Variants in KIRREL3 observed in about 807,000 individuals in gnomAD.
The protein encoded by KIRREL3 is kin of IRRE-like protein 3.
KIRREL3 carries 36 observed loss-of-function variants against 89.7 expected under a neutral mutation model. The observed-to-expected ratio is 0.40, with a 90% CI of 0.31 to 0.53. KIRREL3 has a LOEUF of 0.53. Among genes scored for constraint, KIRREL3 ranks in the 20% least tolerant of loss-of-function variants. KIRREL3 has a pLI of 0.49. For missense variants in KIRREL3, 864 were observed against 1,056.6 expected (o/e 0.82, Z 2.53); for synonymous variants, 445 against 441.4 (o/e 1.01, Z -0.10).
chr11:126,923,178 C>CTTA lies in KIRREL3; in HGVS notation c.55+77276_55+77277insTAA, dbSNP rs1565423024. Among the ~76,000 whole-genome samples the CTTA allele has an allele frequency of 9.4e-5, 2 of 21,388 alleles. 1 individual carries two copies. The highest frequency in any genetic ancestry group is 4.4e-3 in the South Asian group (2 of 454). 14.0% of individuals were successfully genotyped at this position (21,388 alleles called of 152,430 possible). A position where few individuals can be genotyped will look rare whatever the true frequency, so the allele number is the denominator to read the frequency against. On this transcript the variant is annotated intron_variant, in intron 1 of 16. Transcript: ENST00000525144. ...TTCTTCTTCTTCTTCTTCTTCTTCT[C>CTTA]TTCTTCTTCTCTTCTTCTTCTTCTT...
At chr11:126,524,262 G>A (rs1312541580) in intron 3 of KIRREL3, among the ~76,000 whole-genome samples, 1 of 152,208 alleles carries the variant, frequency 6.6e-6, no homozygotes, top group African/African-American at 2.4e-5. Context: ...GATAATCTAT[G>A]TAAAGTGCCT....
chr11:126,718,788 G>A (rs1948062321), intron 1 of KIRREL3, among the ~76,000 whole-genome samples: 1 of 152,150 alleles, frequency 6.6e-6, no homozygotes, highest in South Asian at 2.1e-4. Flanking sequence ...TGGGCAGAGC[G>A]GCTAGGGATT....
At position 126,672,243 on chromosome 11, in the gene KIRREL3, G is replaced by A. The variant is rs532433886; in HGVS notation, c.56-109331C>T. Among the ~76,000 whole-genome samples the A allele has an allele frequency of 2.0e-5, 3 of 152,292 alleles. No homozygotes were observed. The South Asian group carries it at 6.2e-4, about 32-fold the overall frequency. On this transcript the variant is annotated intron_variant, in intron 1 of 16. Transcript: ENST00000525144. ...AAAGTTCAGATTATTGGCTCAGTTG[G>A]ACTTGATTATATGAGACTAGTGTGT...
At chr11:126,762,669 C>T (rs910042565) in intron 1 of KIRREL3, among the ~76,000 whole-genome samples, 6 of 152,156 alleles carry the variant, frequency 3.9e-5, no homozygotes, top group Admixed American at 6.5e-5. Context: ...TTCTGTGTAC[C>T]TCCTGATGCT....
intron 1 of KIRREL3, among the ~76,000 whole-genome samples, chr11:126,863,960 G>A (rs1031621362): frequency 6.6e-6 from 1 of 152,182 alleles, no homozygotes; most frequent in Admixed American, 6.5e-5. Context: ...CTGTTACCTG[G>A]CTACACCATG....
At chr11:127,000,855 A>T (rs1950299836), upstream of KIRREL3, 2 of 416,044 alleles carry the variant, frequency 4.8e-6, no homozygotes, top group Non-Finnish European at 8.4e-6. The surrounding 1 kb of genome is among the most constrained non-coding windows in gnomAD (Gnocchi z 7.1). Context: ...TGACAGAAGG[A>T]CTCCTTTCAC....
Position 126,575,352 on chromosome 11 carries a change from C to T in KIRREL3, c.56-12440G>A, listed in dbSNP as rs542067029. Among the ~76,000 whole-genome samples the T allele has an allele frequency of 3.3e-5, 5 of 152,090 alleles. No homozygotes were observed. The highest frequency in any genetic ancestry group is 7.4e-5 in the Non-Finnish European group (5 of 68,020). On this transcript the variant is annotated intron_variant, in intron 1 of 16. Transcript: ENST00000525144. This position sits in a 1 kb window ranked among gnomAD's most constrained non-coding sequence, Gnocchi z 7.0. The stretch of plus-strand genomic sequence containing the variant: ...TGTGGGTGTCACAACCACCTCTTAG[C>T]TCTTGATCAGAGATATCCACCTTCA...
In KIRREL3 at chr11:126,578,008, C is replaced by T. The variant is rs1941349903; in HGVS notation, c.56-15096G>A. 6.6e-6 allele frequency among the ~76,000 whole-genome samples: 1 copy of T among 152,150 alleles called. No homozygotes were observed. The highest frequency in any genetic ancestry group is 1.5e-5 in the Non-Finnish European group (1 of 68,028). Reference sequence around the variant, plus strand: ...CGTTCTAAAGACAGGGAGCTCATTACTTTGGAAGCTGTGGTTTTCATTTTT... The same window carrying T: ...CGTTCTAAAGACAGGGAGCTCATTATTTTGGAAGCTGTGGTTTTCATTTTT... On this transcript the variant is annotated intron_variant, in intron 1 of 16. Transcript: ENST00000525144. The surrounding 1 kb of genome is among the most constrained non-coding windows in gnomAD (Gnocchi z 4.9).
In KIRREL3 at chr11:126,802,654, CT is replaced by C. The variant is rs1183113569; in HGVS notation, c.55+197800del. ...CGGGGGCTGGCTCCCGCCTGGCACC[CT>C]GAGCTGCTGGGACAGGCTCTGGGCA... On this transcript the variant is annotated intron_variant, in intron 1 of 16. Coordinates refer to ENST00000525144, the MANE Select transcript of KIRREL3 (RefSeq NM_032531.4). The surrounding 1 kb of genome is among the most constrained non-coding windows in gnomAD (Gnocchi z 5.2). Among the ~76,000 whole-genome samples, 1 of 152,148 alleles carries C rather than the reference CT, an allele frequency of 6.6e-6. No individual in the cohort carries two copies. Among genetic ancestry groups the C allele is most frequent in the East Asian group, 1.9e-4 (1 of 5,182 alleles).
At position 126,972,085 on chromosome 11, in the gene KIRREL3, T is replaced by C. The variant is rs1949438058; in HGVS notation, c.55+28370A>G. 2.0e-5 allele frequency among the ~76,000 whole-genome samples: 3 copies of C among 151,894 alleles called. No homozygotes were observed. In the South Asian group the frequency reaches 6.2e-4, roughly 32 times the overall value. On this transcript the variant is annotated intron_variant, in intron 1 of 16. Coordinates refer to ENST00000525144, the MANE Select transcript of KIRREL3 (RefSeq NM_032531.4). ...TGAGTTAGAGGGCATGATGCTTCAG[T>C]GCCTTTTTCACTGGAAAATATCACA... is the stretch of plus-strand genomic sequence containing the variant.
intron 1 of KIRREL3, among the ~76,000 whole-genome samples, chr11:126,869,502 A>C (rs544671745): frequency 6.6e-6 from 1 of 152,256 alleles, no homozygotes; most frequent in Admixed American, 6.5e-5. Flanking sequence ...GTCTTTAATA[A>C]TTGAAGAGAT....
intron 1 of KIRREL3, among the ~76,000 whole-genome samples, chr11:126,619,135 G>A (rs1252518168): frequency 2.6e-5 from 4 of 152,192 alleles, no homozygotes; most frequent in South Asian, 2.1e-4. Flanking sequence ...CCCTTTAGAT[G>A]GAATAATCAG....
At position 126,740,108 on chromosome 11, in the gene KIRREL3, C is replaced by A. The variant is rs138656494; in HGVS notation, c.56-177196G>T. 1.4e-4 allele frequency among the ~76,000 whole-genome samples: 21 copies of A among 152,222 alleles called. No individual in the cohort carries two copies. In the East Asian group the frequency reaches 4.1e-3, roughly 29 times the overall value. Reference sequence around the variant, plus strand: ...CCTGAGGTAATTTGGCCCATTAGTTCAAATTGTGTTTTTTTCTTCCCTCCT... The same window carrying A: ...CCTGAGGTAATTTGGCCCATTAGTTAAAATTGTGTTTTTTTCTTCCCTCCT... On this transcript the variant is annotated intron_variant, in intron 1 of 16. Coordinates refer to ENST00000525144, the MANE Select transcript of KIRREL3 (RefSeq NM_032531.4). This position sits in a 1 kb window ranked among gnomAD's most constrained non-coding sequence, Gnocchi z 6.0.
rs532476603 is a variant in KIRREL3, at chr11:126,917,838, C to G, written c.55+82617G>C. 5.9e-5 allele frequency among the ~76,000 whole-genome samples: 9 copies of G among 152,182 alleles called. No homozygotes were observed. Among genetic ancestry groups the G allele is most frequent in the Non-Finnish European group, 1.0e-4 (7 of 68,038 alleles). ...GAATTGAGGTGGCGTTTCTGAAGAA[C>G]GAGATGGTAAAAACAGTGGCATTTC... is the stretch of plus-strand genomic sequence containing the variant. On this transcript the variant is annotated intron_variant, in intron 1 of 16. Coordinates refer to ENST00000525144, the MANE Select transcript of KIRREL3 (RefSeq NM_032531.4). The surrounding 1 kb of genome is among the most constrained non-coding windows in gnomAD (Gnocchi z 5.0).
In KIRREL3 at chr11:126,475,016, C is replaced by T. The variant is rs1270283115; in HGVS notation, c.434-1550G>A. ...TTCCCTTACCCCAGGAGGAGCTGGGCCCACCAGCTCTGGAGGCTGAGAGAG... is the reference window on the plus strand; with the variant it reads ...TTCCCTTACCCCAGGAGGAGCTGGGTCCACCAGCTCTGGAGGCTGAGAGAG... On this transcript the variant is annotated intron_variant, in intron 4 of 16. Transcript: ENST00000525144. This position sits in a 1 kb window ranked among gnomAD's most constrained non-coding sequence, Gnocchi z 7.5. Among the ~76,000 whole-genome samples the T allele has an allele frequency of 2.6e-5, 4 of 152,184 alleles. No individual in the cohort carries two copies. The highest frequency in any genetic ancestry group is 5.9e-5 in the Non-Finnish European group (4 of 68,038).
rs1949701874 is a variant in KIRREL3, at chr11:126,762,681, G to A, written c.56-199769C>T. On this transcript the variant is annotated intron_variant, in intron 1 of 16. Transcript: ENST00000525144. Reference sequence around the variant, plus strand: ...CTCTTCTGTGTACCTCCTGATGCTAGTGACAGAGCAATAAGGTCTTTTCTG... The same window carrying A: ...CTCTTCTGTGTACCTCCTGATGCTAATGACAGAGCAATAAGGTCTTTTCTG... 2.0e-5 allele frequency among the ~76,000 whole-genome samples: 3 copies of A among 152,308 alleles called. No individual in the cohort carries two copies. In the South Asian group the frequency reaches 6.2e-4, roughly 32 times the overall value.
rs972472986 is a variant in KIRREL3, at chr11:126,492,981, C to T, written c.434-19515G>A. Among the ~76,000 whole-genome samples the T allele has an allele frequency of 6.6e-6, 1 of 152,220 alleles. No individual in the cohort carries two copies. Among genetic ancestry groups the T allele is most frequent in the African/African-American group, 2.4e-5 (1 of 41,462 alleles). On this transcript the variant is annotated intron_variant, in intron 4 of 16. Transcript: ENST00000525144. This position sits in a 1 kb window ranked among gnomAD's most constrained non-coding sequence, Gnocchi z 4.8. Reference sequence around the variant, plus strand: ...AGTGACCCAAAAGGCCGTAGAACAGCCTCGGTGCTGCGGCTAACTGACAGG... The same window carrying T: ...AGTGACCCAAAAGGCCGTAGAACAGTCTCGGTGCTGCGGCTAACTGACAGG...
rs1258465129 is a variant in KIRREL3 at position 126,568,992 on chromosome 11, G to A, written c.56-6080C>T. 6.6e-6 allele frequency among the ~76,000 whole-genome samples: 1 copy of A among 152,076 alleles called. No homozygotes were observed. Among genetic ancestry groups the A allele is most frequent in the East Asian group, 1.9e-4 (1 of 5,170 alleles). Reference sequence around the variant, plus strand: ...GAGGCCAGTCAGGAAGACCAGCCAGGTGGCTGTCATGGGAGAGGCCAAGGA... The same window carrying A: ...GAGGCCAGTCAGGAAGACCAGCCAGATGGCTGTCATGGGAGAGGCCAAGGA... On this transcript the variant is annotated intron_variant, in intron 1 of 16. Coordinates refer to ENST00000525144, the MANE Select transcript of KIRREL3 (RefSeq NM_032531.4). This position sits in a 1 kb window ranked among gnomAD's most constrained non-coding sequence, Gnocchi z 4.6.
rs764349396 is a variant in KIRREL3, at chr11:126,431,449, C to T, written c.1666G>A (p.Val556Met). 3.2e-5 allele frequency: 52 copies of T among 1,613,946 alleles called. No individual in the cohort carries two copies. The highest frequency in any genetic ancestry group is 7.7e-5 in the South Asian group (7 of 91,092). Residue 556 changes from valine to methionine, a missense_variant, in exon 14 of 17, where the codon GTG (valine) becomes ATG (methionine). Physicochemically the swap from Val to Met is conservative, Grantham distance 21. Coordinates refer to ENST00000525144, the MANE Select transcript of KIRREL3 (RefSeq NM_032531.4). The surrounding 1 kb of genome is among the most constrained non-coding windows in gnomAD (Gnocchi z 7.1). ...VAFLVLMATI[V>M]AFCCARSQRN... Reference sequence around the variant, plus strand: ...TGGGAACGGGCACAGCAGAACGCCACGATGGTTGCCATAAGGACGAGGAAG... The same window carrying T: ...TGGGAACGGGCACAGCAGAACGCCATGATGGTTGCCATAAGGACGAGGAAG...
Sources: gnomAD v4.1 joint callset for allele counts (sites outside exome capture counted in the v4.1 genomes callset) on GRCh38, gnomAD v4.1.1 for gene constraint, Gnocchi (gnomAD v3.1) non-coding constraint, MANE v1.5 for transcripts, NCBI Gene and HGNC (gene_info 2026-07-23, HGNC 2026-07-21) for gene names.